Variants in BBC3 observed in about 807,000 individuals in gnomAD.
The protein encoded by BBC3 is BCL2 binding component 3.
BBC3 carries 5 observed loss-of-function variants against 18.2 expected under a neutral mutation model. That is an observed-to-expected ratio of 0.27 (90% confidence interval 0.14 to 0.58). BBC3 has a LOEUF of 0.58. Among genes scored for constraint, BBC3 ranks in the 20% least tolerant of loss-of-function variants. BBC3 has a pLI of 0.91. For missense variants in BBC3, 224 were observed against 268.9 expected, an observed-to-expected ratio of 0.83 and a Z score of 1.17; for synonymous variants, 119 against 128.0, an observed-to-expected ratio of 0.93 and a Z score of 0.47.
At chr19:47,227,857 C>T (rs1369021380) in intron 2 of BBC3, among the ~76,000 whole-genome samples, 2 of 152,170 alleles carry the variant, frequency 1.3e-5, no homozygotes, top group Admixed American at 6.5e-5. Flanking sequence ...GTCTAGAGGA[C>T]CCAGACTGGG....
At chr19:47,232,560 C>G, upstream of BBC3, 1 of 1,548,712 alleles carries the variant, frequency 6.5e-7, no homozygotes, top group Non-Finnish European at 8.7e-7. Context: ...GCCCTGGGCA[C>G]CTGGCATGGA....
chr19:47,228,035 C>A lies in BBC3; in HGVS notation c.274+123G>T, dbSNP rs2058858381. On this transcript the variant is annotated intron_variant, in intron 2 of 3. Transcript: ENST00000439096. This position sits in a 1 kb window ranked among gnomAD's most constrained non-coding sequence, Gnocchi z 5.5. ...ACACAAAGACCACATTGGCCACACC[C>A]TCCCAGTGGCCCGGCTGGGCCCGCC... 5 of 771,890 alleles carry A rather than the reference C, an allele frequency of 6.5e-6. No homozygotes were observed. Among genetic ancestry groups the A allele is most frequent in the Non-Finnish European group, 8.7e-6 (5 of 576,950 alleles). The allele number at this position is 771,890 out of a possible 1,614,324, so 47.8% of individuals were successfully genotyped here. A position where few individuals can be genotyped will look rare whatever the true frequency, so the allele number is the denominator to read the frequency against.
In BBC3 at chr19:47,228,581, A is replaced by C; in HGVS notation, c.-15-135T>G. 1.1e-6 allele frequency: 1 copy of C among 905,108 alleles called. No individual in the cohort carries two copies. The highest frequency in any genetic ancestry group is 1.4e-6 in the Non-Finnish European group (1 of 692,146). 56.1% of individuals were successfully genotyped at this position (905,108 alleles called of 1,614,324 possible). A position where few individuals can be genotyped will look rare whatever the true frequency, so the allele number is the denominator to read the frequency against. On this transcript the variant is annotated intron_variant, in intron 1 of 3. Transcript: ENST00000439096. The surrounding 1 kb of genome is among the most constrained non-coding windows in gnomAD (Gnocchi z 5.5). ...CATGCGGAGGGGGTGACGGCCCCAC[A>C]GAGACACGCCCAGCCGGGGGATGAC...
chr19:47,232,445 A>G, upstream of BBC3: 1 of 1,387,370 alleles, frequency 7.2e-7, no homozygotes, highest in Non-Finnish European at 9.9e-7. Flanking sequence ...ACAAAGTCAC[A>G]CCTGTGACAG....
upstream of BBC3, among the ~76,000 whole-genome samples, chr19:47,231,548 C>T (rs1337192492): frequency 6.6e-6 from 1 of 152,136 alleles, no homozygotes; most frequent in African/African-American, 2.4e-5. This position sits in a 1 kb window ranked among gnomAD's most constrained non-coding sequence, Gnocchi z 4.0. Context: ...GACCGACGGG[C>T]GTTCCAGGGT....
At chr19:47,229,182 C>G (rs1345638991) in intron 1 of BBC3, among the ~76,000 whole-genome samples, 2 of 152,110 alleles carry the variant, frequency 1.3e-5, no homozygotes. Context: ...AACACAAACA[C>G]ACACACACAA....
chr19:47,222,011 T>C, intron 3 of BBC3, 93 bp from the exon 4 acceptor site: 1 of 1,170,022 alleles, frequency 8.5e-7, no homozygotes. Flanking sequence ...GAGGCGACAG[T>C]CTCGCCCACC....
At chr19:47,224,442 G>A (rs1163245206) in intron 3 of BBC3, among the ~76,000 whole-genome samples, 2 of 151,938 alleles carry the variant, frequency 1.3e-5, no homozygotes, top group East Asian at 3.9e-4. Context: ...GGGTAACACA[G>A]AAAGACCTGA....
At chr19:47,226,256 C>T (rs894557082) in intron 3 of BBC3, among the ~76,000 whole-genome samples, 29 of 151,728 alleles carry the variant, frequency 1.9e-4, no homozygotes, top group African/African-American at 7.0e-4. Context: ...ATGAGCCGCG[C>T]CGCCCAGCGC....
intron 2 of BBC3, 107 bp from the exon 3 acceptor site, chr19:47,226,861 G>T: frequency 9.8e-7 from 1 of 1,017,376 alleles, no homozygotes; most frequent in Non-Finnish European, 1.3e-6. Context: ...CTCATTTCTA[G>T]TGATCCCATC....
chr19:47,225,919 C>G (rs958748446), intron 3 of BBC3, among the ~76,000 whole-genome samples: 6 of 152,182 alleles, frequency 3.9e-5, no homozygotes, highest in African/African-American at 1.2e-4. Context: ...TCACCACATG[C>G]GTTTCTGCGG....
At chr19:47,223,531 C>T (rs2058776167) in intron 3 of BBC3, among the ~76,000 whole-genome samples, 2 of 152,138 alleles carry the variant, frequency 1.3e-5, no homozygotes, top group South Asian at 4.1e-4. Flanking sequence ...TGCACCACTG[C>T]ACTCCAGCCT....
chr19:47,227,038 C>A, intron 2 of BBC3: 1 of 334,110 alleles, frequency 3.0e-6, no homozygotes, highest in Non-Finnish European at 5.5e-6. Context: ...TCAGGCTTAA[C>A]GACCTCTATT....
chr19:47,221,672 G>A lies in BBC3; in HGVS notation c.*130C>T, dbSNP rs1020481307. 7.9e-6 allele frequency: 12 copies of A among 1,527,164 alleles called. No homozygotes were observed. The highest frequency in any genetic ancestry group is 2.4e-5 in the South Asian group (2 of 81,822). The allele number at this position is 1,527,164 out of a possible 1,614,324, so 94.6% of individuals were successfully genotyped here. On this transcript the variant is annotated 3_prime_UTR_variant, in exon 4 of 4. Transcript: ENST00000439096. ...GGAGTGGCTGCCCCGGCCCGCCCCC[G>A]GGACAGGCAGGGCTGGGAGTCCAGT... is the stretch of plus-strand genomic sequence containing the variant.
Position 47,228,739 on chromosome 19 carries a change from G to T in BBC3, c.-15-293C>A, listed in dbSNP as rs185091811. Among the ~76,000 whole-genome samples the T allele has an allele frequency of 6.6e-5, 10 of 152,138 alleles. No homozygotes were observed. In the East Asian group the frequency reaches 1.7e-3, roughly 26 times the overall value. Reference sequence around the variant, plus strand: ...CAGGACGGATGGAGGGGTCTAGCAGGTGTGTGTATGAGGGCTGTGACAGTC... The same window carrying T: ...CAGGACGGATGGAGGGGTCTAGCAGTTGTGTGTATGAGGGCTGTGACAGTC... On this transcript the variant is annotated intron_variant, in intron 1 of 3. Coordinates refer to ENST00000439096, the MANE Select transcript of BBC3 (RefSeq NM_014417.5). The surrounding 1 kb of genome is among the most constrained non-coding windows in gnomAD (Gnocchi z 5.5).
chr19:47,227,906 A>C (rs1191593498), intron 2 of BBC3, among the ~76,000 whole-genome samples: 1 of 152,040 alleles, frequency 6.6e-6, no homozygotes, highest in East Asian at 1.9e-4. Flanking sequence ...CCAGGCCCGG[A>C]AGAGACAGTG....
At position 47,228,954 on chromosome 19, in the gene BBC3, A is replaced by G. The variant is rs374825882; in HGVS notation, c.-15-508T>C. Among the ~76,000 whole-genome samples, 5 of 152,088 alleles carry G rather than the reference A, an allele frequency of 3.3e-5. No homozygotes were observed. Among genetic ancestry groups the G allele is most frequent in the African/African-American group, 1.2e-4 (5 of 41,480 alleles). ...ACCTCCCACTTGCACACAAACACTGAGATGGCCCCAGTCTCGGACATCACT... is the reference window on the plus strand; with the variant it reads ...ACCTCCCACTTGCACACAAACACTGGGATGGCCCCAGTCTCGGACATCACT... On this transcript the variant is annotated intron_variant, in intron 1 of 3. Transcript: ENST00000439096. The surrounding 1 kb of genome is among the most constrained non-coding windows in gnomAD (Gnocchi z 5.5).
chr19:47,221,971 G>A lies in BBC3; in HGVS notation c.466-53C>T, dbSNP rs376693948. 34 of 1,485,746 alleles carry A rather than the reference G, an allele frequency of 2.3e-5. No homozygotes were observed. The East Asian group carries it at 3.6e-4, about 16-fold the overall frequency. The allele number at this position is 1,485,746 out of a possible 1,614,324, so 92.0% of individuals were successfully genotyped here. A position where few individuals can be genotyped will look rare whatever the true frequency, so the allele number is the denominator to read the frequency against. On this transcript the variant is annotated intron_variant, in intron 3 of 3. Coordinates refer to ENST00000439096, the MANE Select transcript of BBC3 (RefSeq NM_014417.5). ...TAGCAGGGGACTGAGTATGGTGATG[G>A]GAGTGGGGATGGTCAGCTCCAGGGG...
At chr19:47,231,296 G>T, upstream of BBC3, 3 of 731,626 alleles carry the variant, frequency 4.1e-6, no homozygotes, top group Non-Finnish European at 5.0e-6. The surrounding 1 kb of genome is among the most constrained non-coding windows in gnomAD (Gnocchi z 4.0). Flanking sequence ...CCCGCGTGAC[G>T]CTACGGCCCC....
Sources: allele counts gnomAD v4.1 joint callset (sites outside exome capture counted in the v4.1 genomes callset), GRCh38; gene constraint gnomAD v4.1.1; non-coding constraint Gnocchi (gnomAD v3.1); transcripts MANE v1.5; gene names NCBI Gene and HGNC (gene_info 2026-07-23, HGNC 2026-07-21).